Variants in MYO3A observed in about 807,000 individuals in gnomAD.
MYO3A encodes myosin IIIA.
In MYO3A, 180 loss-of-function variants were observed where a neutral mutation model predicts 192.7. The ratio of observed to expected loss-of-function variants is 0.93; its 90% CI spans 0.83 to 1.06. The LOEUF (loss-of-function observed/expected upper bound fraction) is 1.06. MYO3A is among the 50% of genes least tolerant of loss of function. The pLI, the probability that MYO3A is intolerant of heterozygous loss-of-function variation, is 0.00. For missense variants in MYO3A, 1,896 were observed against 1,905.0 expected (o/e 1.00, Z 0.09); for synonymous variants, 628 against 645.3 (o/e 0.97, Z 0.41).
intron 6 of MYO3A, among the ~76,000 whole-genome samples, chr10:26,007,839 A>C (rs1338706546): frequency 1.4e-3 from 208 of 151,844 alleles, no homozygotes; most frequent in African/African-American, 4.9e-3. Context: ...TGCCATCCCC[A>C]TCAAGCTACC....
At chr10:25,977,446 A>G (rs1331410217) in intron 4 of MYO3A, among the ~76,000 whole-genome samples, 1 of 152,196 alleles carries the variant, frequency 6.6e-6, no homozygotes, top group Non-Finnish European at 1.5e-5. Context: ...GGTCAGGTTC[A>G]TGTGAGCCTC....
intron 32 of MYO3A, among the ~76,000 whole-genome samples, chr10:26,196,288 C>A (rs892990029): frequency 6.6e-6 from 1 of 152,206 alleles, no homozygotes; most frequent in Non-Finnish European, 1.5e-5. Flanking sequence ...ACAGCAGATA[C>A]TATTCCCAGT....
In MYO3A at chr10:26,000,156, A is replaced by G. The variant is rs572794668; in HGVS notation, c.508+2898A>G. Among the ~76,000 whole-genome samples the G allele has an allele frequency of 1.0e-3, 152 of 152,318 alleles. 2 individuals are homozygous for G. Among genetic ancestry groups the G allele is most frequent in the Middle Eastern group, 3.4e-3 (1 of 294 alleles). On this transcript the variant is annotated intron_variant, in intron 6 of 34. Coordinates refer to ENST00000642920, the MANE Select transcript of MYO3A (RefSeq NM_017433.5). ...CTTATGATCCTCCGTGCTGGAACAGAGTAAGCAACTAATGAGTAATAACTT... is the reference window on the plus strand; with the variant it reads ...CTTATGATCCTCCGTGCTGGAACAGGGTAAGCAACTAATGAGTAATAACTT...
intron 14 of MYO3A, among the ~76,000 whole-genome samples, chr10:26,081,146 GCC>G (rs907981671): frequency 1.4e-5 from 1 of 70,754 alleles, no homozygotes; most frequent in Admixed American, 1.6e-4. Context: ...CCCCCCCCCC[GCC>G]CCCGCTACCA....
chr10:26,174,289 C>G lies in MYO3A; in HGVS notation c.4025C>G (p.Ala1342Gly). ...KERQVEPVTQ[A>G]QEEEDKAAVF... ...AGGCAAGTTGAACCAGTGACACAGG[C>G]CCAGGAGGAAGAAGATAAAGCAGCG... The change falls in exon 30 of 35, where the codon GCC (alanine) becomes GGC (glycine). Residue 1342 changes from alanine to glycine, a missense_variant. By Grantham distance (60) the Ala-to-Gly change is moderately conservative. Transcript: ENST00000642920. 1 of 1,613,918 alleles carries G rather than the reference C, an allele frequency of 6.2e-7. No homozygotes were observed. The highest frequency in any genetic ancestry group is 8.5e-7 in the Non-Finnish European group (1 of 1,179,892).
chr10:26,205,810 A>G (rs140566845), intron 34 of MYO3A, among the ~76,000 whole-genome samples: 6,990 of 151,384 alleles, frequency 0.046, 211 homozygotes, highest in Non-Finnish European at 0.07. Context: ...TAGTAGAGAC[A>G]GGGTTTCACT....
intron 10 of MYO3A, 91 bp from the exon 11 acceptor site, chr10:26,066,884 C>G (rs1834879434): frequency 1.2e-6 from 1 of 804,908 alleles, no homozygotes; most frequent in Admixed American, 1.9e-5. Context: ...AAACAGATTC[C>G]TAGAGGATTT....
chr10:26,178,780 T>G (rs1842457490), intron 31 of MYO3A, among the ~76,000 whole-genome samples: 1 of 152,060 alleles, frequency 6.6e-6, no homozygotes, highest in Non-Finnish European at 1.5e-5. Flanking sequence ...GCTTGCCTTC[T>G]GCTTTAAATG....
At chr10:26,158,083 C>T (rs1026304634) in intron 26 of MYO3A, among the ~76,000 whole-genome samples, 1 of 152,168 alleles carries the variant, frequency 6.6e-6, no homozygotes, top group African/African-American at 2.4e-5. Context: ...CCTCACTTTA[C>T]TCGCCTACCA....
In MYO3A at chr10:26,096,409, T is replaced by G; in HGVS notation, c.1591T>G (p.Tyr531Asp). The G allele has an allele frequency of 6.2e-7, 1 of 1,613,058 alleles. No individual in the cohort carries two copies. Among genetic ancestry groups the G allele is most frequent in the Non-Finnish European group, 8.5e-7 (1 of 1,179,668 alleles). The change falls in exon 16 of 35, where the codon TAC becomes GAC. Residue 531 changes from tyrosine to aspartate, a missense_variant. Physicochemically the swap from Tyr to Asp is radical, Grantham distance 160 (BLOSUM62 -3). Coordinates refer to ENST00000642920, the MANE Select transcript of MYO3A (RefSeq NM_017433.5). The part of the protein sequence containing the change: ...IGEKNFHIFY[Y>D]IYAGLAEKKK... ...AGAAAAAAATTTTCATATTTTTTAC[T>G]ACATTTATGCTGGTTTGGCTGAAAA...
At chr10:26,069,183 C>T (rs1588895541) in intron 12 of MYO3A, among the ~76,000 whole-genome samples, 1 of 151,780 alleles carries the variant, frequency 6.6e-6, no homozygotes, top group East Asian at 1.9e-4. Context: ...ATACTTAAAT[C>T]TGCTTAAAAA....
chr10:26,143,392 A>G, intron 20 of MYO3A, 56 bp from the exon 21 acceptor site: 5 of 1,533,690 alleles, frequency 3.3e-6, no homozygotes, highest in Non-Finnish European at 4.5e-6. Flanking sequence ...ATTTTAGGTA[A>G]TTACTATGAA....
chr10:26,113,656 CTT>C lies in MYO3A; in HGVS notation c.1777-7019_1777-7018del, dbSNP rs1452716309. 2.0e-5 allele frequency among the ~76,000 whole-genome samples: 3 copies of C among 151,970 alleles called. No homozygotes were observed. In the South Asian group the frequency reaches 6.2e-4, roughly 32 times the overall value. On this transcript the variant is annotated intron_variant, in intron 17 of 34. Transcript: ENST00000642920. ...GCCATGATTTGGCCAACATTGATGA[CTT>C]GAACTAAATGACGCAGCCAAGGAGG...
intron 18 of MYO3A, among the ~76,000 whole-genome samples, chr10:26,123,754 G>A (rs751906596): frequency 3.9e-5 from 6 of 152,114 alleles, no homozygotes; most frequent in East Asian, 1.9e-4. Flanking sequence ...GTGAAACCCC[G>A]TCTCTACTGA....
At chr10:26,147,916 T>C (rs1589036856) in intron 23 of MYO3A, among the ~76,000 whole-genome samples, 1 of 152,296 alleles carries the variant, frequency 6.6e-6, no homozygotes, top group South Asian at 2.1e-4. Flanking sequence ...TGGTGGGCTC[T>C]CTTATTGATT....
At chr10:26,183,875 A>G (rs1842735943) in intron 31 of MYO3A, among the ~76,000 whole-genome samples, 1 of 152,112 alleles carries the variant, frequency 6.6e-6, no homozygotes. Flanking sequence ...CCTCAAATAA[A>G]CTCAAGAGAA....
intron 8 of MYO3A, 157 bp downstream of exon 8, chr10:26,021,805 T>C: frequency 9.9e-7 from 1 of 1,010,876 alleles, no homozygotes; most frequent in Non-Finnish European, 1.5e-6. Flanking sequence ...TGAGACATTG[T>C]ATTTGTTCAG....
At chr10:26,096,296 CGTT>C (rs1837026317) in intron 15 of MYO3A, 82 bp from the exon 16 acceptor site, 20 of 1,014,460 alleles carry the variant, frequency 2.0e-5, no homozygotes, top group South Asian at 1.3e-4. Context: ...CACTCACAGT[CGTT>C]GTTCAAATAA....
At chr10:26,183,827 C>CA (rs1842733721) in intron 31 of MYO3A, among the ~76,000 whole-genome samples, 1 of 152,126 alleles carries the variant, frequency 6.6e-6, no homozygotes, top group South Asian at 2.1e-4. Flanking sequence ...GTTCTAGGGA[C>CA]ACTCAGAGCA....
Sources: gnomAD v4.1 joint callset for allele counts (sites outside exome capture counted in the v4.1 genomes callset) on GRCh38, gnomAD v4.1.1 for gene constraint, MANE v1.5 for transcripts, NCBI Gene and HGNC (gene_info 2026-07-23, HGNC 2026-07-21) for gene names.